The following CSMD1 variants were observed in gnomAD, a reference collection of about 807,000 sequenced individuals.
The protein encoded by CSMD1 is CUB and Sushi multiple domains 1, also known as CUB and sushi domain-containing protein 1.
A neutral mutation model predicts 417.5 loss-of-function variants in CSMD1; 213 were observed. The observed-to-expected ratio is 0.51, with a 90% confidence interval of 0.46 to 0.57. CSMD1 has a LOEUF of 0.57. CSMD1 is among the 20% of genes least tolerant of loss of function. The pLI is 0.00. For missense variants in CSMD1, 6,923 were observed against 4,529.7 expected (o/e 1.53, Z -15.17); for synonymous variants, 2,862 against 1,736.8 (o/e 1.65, Z -16.11).
At chr8:4,384,961 C>G (rs1010097667) in intron 3 of CSMD1, among the ~76,000 whole-genome samples, 1 of 152,178 alleles carries the variant, frequency 6.6e-6, no homozygotes, top group Non-Finnish European at 1.5e-5. Context: ...TCCTCTGTCA[C>G]CCAGGATGGA....
At chr8:4,314,957 G>T (rs866651598) in intron 3 of CSMD1, among the ~76,000 whole-genome samples, 6 of 152,134 alleles carry the variant, frequency 3.9e-5, no homozygotes, top group African/African-American at 1.4e-4. Flanking sequence ...ATTCTACATG[G>T]TGGGAGGAGG....
chr8:4,135,348 A>C (rs1460263313), intron 3 of CSMD1, among the ~76,000 whole-genome samples: 13 of 22,602 alleles, frequency 5.8e-4, no homozygotes, highest in African/African-American at 1.5e-3. Flanking sequence ...GAAGGAAGGA[A>C]GGGAAAGGAG....
rs564689786 is a variant in CSMD1, at chr8:4,169,393, G to A, written c.416-137294C>T. The stretch of plus-strand genomic sequence containing the variant: ...CACTTCCTCAGGCCAAAAAACATGA[G>A]GCATTGTAAATACTCGTCTTTTTCT... On this transcript the variant is annotated intron_variant, in intron 3 of 69. Coordinates refer to ENST00000635120, the MANE Select transcript of CSMD1 (RefSeq NM_033225.6). Among the ~76,000 whole-genome samples the A allele has an allele frequency of 2.0e-5, 3 of 152,180 alleles. No individual in the cohort carries two copies. The South Asian group carries it at 6.2e-4, about 32-fold the overall frequency.
At chr8:4,034,672 G>C (rs1310020414) in intron 3 of CSMD1, among the ~76,000 whole-genome samples, 2 of 152,160 alleles carry the variant, frequency 1.3e-5, no homozygotes, top group Admixed American at 1.3e-4. Flanking sequence ...GAGTGAGAAA[G>C]GGAGTGATTA....
chr8:4,344,165 C>A (rs780552740), intron 3 of CSMD1, among the ~76,000 whole-genome samples: 3 of 152,072 alleles, frequency 2.0e-5, no homozygotes, highest in Non-Finnish European at 2.9e-5. Flanking sequence ...TGTTAATCTG[C>A]TTTTTCATAT....
At chr8:3,623,891 C>G (rs755531725) in intron 7 of CSMD1, among the ~76,000 whole-genome samples, 48 of 152,108 alleles carry the variant, frequency 3.2e-4, no homozygotes, top group African/African-American at 1.1e-3. Context: ...GCAGGAGAAT[C>G]GCTTGAACCC....
chr8:4,156,085 G>T (rs1202511278), intron 3 of CSMD1, among the ~76,000 whole-genome samples: 1 of 152,134 alleles, frequency 6.6e-6, no homozygotes, highest in African/African-American at 2.4e-5. Flanking sequence ...AGGGCTGGCT[G>T]GAGTTATCAG....
intron 1 of CSMD1, among the ~76,000 whole-genome samples, chr8:4,657,477 C>T (rs78536330): frequency 9.5e-4 from 144 of 152,144 alleles, no homozygotes; most frequent in Middle Eastern, 6.8e-3. Flanking sequence ...TCTGTCAAAA[C>T]GCTGTTTAAA....
chr8:3,904,796 C>G (rs754927307), intron 5 of CSMD1, among the ~76,000 whole-genome samples: 10 of 151,812 alleles, frequency 6.6e-5, no homozygotes, highest in Non-Finnish European at 1.5e-4. Flanking sequence ...ATCACCATGC[C>G]CAGGTAATTT....
chr8:4,908,652 C>G (rs1305366415), intron 1 of CSMD1, among the ~76,000 whole-genome samples: 2 of 151,058 alleles, frequency 1.3e-5, no homozygotes, highest in Non-Finnish European at 3.0e-5. Flanking sequence ...GCAATGAGTC[C>G]ACCAGACTCT....
At chr8:3,829,992 T>C (rs112108412) in intron 5 of CSMD1, among the ~76,000 whole-genome samples, 245 of 152,312 alleles carry the variant, frequency 1.6e-3, no homozygotes, top group Middle Eastern at 3.4e-3. Context: ...TTTATACATT[T>C]GTTTTCCTTT....
chr8:3,764,310 G>C (rs1388100812), intron 5 of CSMD1, among the ~76,000 whole-genome samples: 3 of 152,152 alleles, frequency 2.0e-5, no homozygotes, highest in Non-Finnish European at 4.4e-5. Flanking sequence ...GTGCTGTAGG[G>C]AAACTCTCCT....
chr8:3,268,604 G>A (rs1311316065), intron 26 of CSMD1, among the ~76,000 whole-genome samples: 1 of 152,044 alleles, frequency 6.6e-6, no homozygotes, highest in Admixed American at 6.6e-5. Flanking sequence ...TCATTTTAAT[G>A]TTTGTCTTGG....
At chr8:4,545,432 T>C (rs149631238) in intron 2 of CSMD1, among the ~76,000 whole-genome samples, 1 of 152,144 alleles carries the variant, frequency 6.6e-6, no homozygotes, top group Non-Finnish European at 1.5e-5. Context: ...GTCCTACATA[T>C]TAGGAGAGAG....
At chr8:4,373,368 A>C (rs2128914152) in intron 3 of CSMD1, among the ~76,000 whole-genome samples, 1 of 152,352 alleles carries the variant, frequency 6.6e-6, no homozygotes, top group East Asian at 1.9e-4. Context: ...CTGTTGGTTT[A>C]TTAACTGCAA....
At chr8:4,377,246 T>C (rs1311812373) in intron 3 of CSMD1, among the ~76,000 whole-genome samples, 1 of 152,084 alleles carries the variant, frequency 6.6e-6, no homozygotes, top group Non-Finnish European at 1.5e-5. Flanking sequence ...AGATTAGTAA[T>C]TAAACAAAGC....
At chr8:4,668,884 G>A (rs1441026865) in intron 1 of CSMD1, among the ~76,000 whole-genome samples, 1 of 151,994 alleles carries the variant, frequency 6.6e-6, no homozygotes, top group Non-Finnish European at 1.5e-5. Flanking sequence ...AATTCAGGTT[G>A]AATCTGTTTC....
chr8:3,595,002 G>A (rs1248445346), intron 8 of CSMD1, among the ~76,000 whole-genome samples: 1 of 152,126 alleles, frequency 6.6e-6, no homozygotes, highest in East Asian at 1.9e-4. Flanking sequence ...AACACAACCC[G>A]GCCTCTGTGT....
intron 1 of CSMD1, among the ~76,000 whole-genome samples, chr8:4,844,948 T>C (rs1054652254): frequency 1.3e-5 from 2 of 152,172 alleles, no homozygotes; most frequent in African/African-American, 4.8e-5. Context: ...CACCAGTCAA[T>C]TTGGCAGCTC....
Sources: gnomAD v4.1 joint callset for allele counts (sites outside exome capture counted in the v4.1 genomes callset) on GRCh38, gnomAD v4.1.1 for gene constraint, MANE v1.5 for transcripts, NCBI Gene and HGNC (gene_info 2026-07-23, HGNC 2026-07-21) for gene names.